MAP3K8: variants seen among roughly 807,000 people sequenced by gnomAD.
The protein encoded by MAP3K8 is Ewing sarcoma transformant.
Under a neutral mutation model 45.8 loss-of-function variants are expected in MAP3K8, and 22 were observed. The ratio of observed to expected loss-of-function variants is 0.48; its 90% confidence interval spans 0.34 to 0.69. The LOEUF is 0.69. Ranked by LOEUF, MAP3K8 falls within the 30% of genes least tolerant of loss-of-function variation. The pLI is 0.01. For synonymous variants in MAP3K8, 223 were observed against 214.3 expected (o/e 1.04, Z -0.36); for missense variants, 419 against 585.0 (o/e 0.72, Z 2.93).
chr10:30,458,270 G>GGGA (rs1554774876), intron 7 of MAP3K8, 34 bp downstream of exon 7: 1 of 1,367,170 alleles, frequency 7.3e-7, no homozygotes, highest in Non-Finnish European at 9.7e-7. Flanking sequence ...GGGGGCGGCG[G>GGGA]GGGGGGGCGT....
chr10:30,440,853 A>G (rs1347846170), intron 3 of MAP3K8, among the ~76,000 whole-genome samples: 1 of 152,224 alleles, frequency 6.6e-6, no homozygotes, highest in East Asian at 1.9e-4. Flanking sequence ...TTAAATGAAA[A>G]TATGCAGAAA....
chr10:30,458,283 A>C, intron 7 of MAP3K8, 47 bp downstream of exon 7: 2 of 1,196,748 alleles, frequency 1.7e-6, no homozygotes, highest in Non-Finnish European at 2.3e-6. Context: ...GGGGGCGTTG[A>C]GTTATGCATC....
chr10:30,450,536 A>G lies in MAP3K8; in HGVS notation c.766+17A>G, dbSNP rs2132813519. The G allele has an allele frequency of 6.2e-7, 1 of 1,612,518 alleles. No individual in the cohort carries two copies. Among genetic ancestry groups the G allele is most frequent in the East Asian group, 2.2e-5 (1 of 44,860 alleles). The stretch of plus-strand genomic sequence containing the variant: ...ATATTAAACGTAAGTATCTTTGGAC[A>G]TATACCTTTTTGGCTCAAAGAGACT... On this transcript the variant is annotated intron_variant, in intron 5 of 8. Transcript: ENST00000263056.
At chr10:30,451,458 G>A (rs1047055406) in intron 5 of MAP3K8, among the ~76,000 whole-genome samples, 180 bp from the exon 6 acceptor site, 1 of 152,174 alleles carries the variant, frequency 6.6e-6, no homozygotes, top group Non-Finnish European at 1.5e-5. Context: ...TGGATCCAAA[G>A]TGATTTTCAC....
chr10:30,434,747 C>G, intron 1 of MAP3K8: 1 of 985,500 alleles, frequency 1.0e-6, no homozygotes, highest in Non-Finnish European at 1.2e-6. Context: ...GCCCGAGACC[C>G]GGTGAGTGCA....
At chr10:30,459,207 G>A in intron 7 of MAP3K8, 48 bp from the exon 8 acceptor site, 1 of 1,609,208 alleles carries the variant, frequency 6.2e-7, no homozygotes, top group Admixed American at 1.7e-5. Context: ...TTGCTGTTGA[G>A]GGTGTATCAC....
At chr10:30,438,757 A>G (rs1835994397) in intron 2 of MAP3K8, 159 bp from the exon 3 acceptor site, 4 of 558,438 alleles carry the variant, frequency 7.2e-6, no homozygotes, top group Admixed American at 3.1e-5. Flanking sequence ...TCAACTCTGC[A>G]CTGTCAACTT....
chr10:30,450,182 TGCA>T, intron 4 of MAP3K8, 73 bp from the exon 5 acceptor site: 1 of 1,410,428 alleles, frequency 7.1e-7, no homozygotes, highest in Admixed American at 2.3e-5. Flanking sequence ...TTTTGTTTTT[TGCA>T]TTGACCTATA....
At position 30,451,649 on chromosome 10, in the gene MAP3K8, G is replaced by A. The variant is rs1191283360; in HGVS notation, c.778G>A (p.Val260Ile). 1 of 1,588,054 alleles carries A rather than the reference G, an allele frequency of 6.3e-7. No homozygotes were observed. The part of the protein sequence containing the change: ...IHHDIKPSNI[V>I]FMSTKAVLVD... The stretch of plus-strand genomic sequence containing the variant: ...TCCTCTCATTTTAGCTAGCAACATT[G>A]TTTTCATGTCCACAAAAGCTGTTTT... The change falls in exon 6 of 9, where the codon GTT becomes ATT. Residue 260 changes from valine to isoleucine, a missense_variant. Transcript: ENST00000263056.
chr10:30,442,436 T>A (rs1836146133), intron 3 of MAP3K8, among the ~76,000 whole-genome samples: 1 of 152,202 alleles, frequency 6.6e-6, no homozygotes, highest in Admixed American at 6.5e-5. Flanking sequence ...CCTGATGTAT[T>A]CAGGCAGCCA....
intron 6 of MAP3K8, 111 bp from the exon 7 acceptor site, chr10:30,457,973 A>G: frequency 1.1e-6 from 1 of 876,754 alleles, no homozygotes. Flanking sequence ...GAATGCCTGC[A>G]TTATTCTCCT....
In MAP3K8 at chr10:30,447,887, G is replaced by A. The variant is rs3751449; in HGVS notation, c.442G>A (p.Ala148Thr). Reference protein sequence around the residue: ...NIGSDFIPRGAFGKVYLAQDI... With the variant: ...NIGSDFIPRGTFGKVYLAQDI... ...TGGTTCTGATTTTATTCCTCGGGGC[G>A]CCTTTGGAAAGGTATACTTGGCACA... The change falls in exon 4 of 9, where the codon GCC becomes ACC. Residue 148 changes from alanine (A) to threonine (T), a missense_variant. Coordinates refer to ENST00000263056, the MANE Select transcript of MAP3K8 (RefSeq NM_005204.4). 6.6e-5 allele frequency: 107 copies of A among 1,613,716 alleles called. No homozygotes were observed. The East Asian group carries it at 2.1e-3, about 32-fold the overall frequency.
intron 3 of MAP3K8, among the ~76,000 whole-genome samples, chr10:30,445,262 T>C (rs1469014981): frequency 6.6e-6 from 1 of 152,014 alleles, no homozygotes. Flanking sequence ...CTGGGTGTGG[T>C]AGCACGTGCC....
At chr10:30,459,888 G>A (rs932759454) in intron 8 of MAP3K8, among the ~76,000 whole-genome samples, 2 of 151,860 alleles carry the variant, frequency 1.3e-5, no homozygotes, top group African/African-American at 4.8e-5. Context: ...TGTTGCCGAG[G>A]CTGGAGTGCA....
intron 2 of MAP3K8, among the ~76,000 whole-genome samples, chr10:30,438,491 G>A (rs1234344963): frequency 6.6e-6 from 1 of 152,224 alleles, no homozygotes; most frequent in Admixed American, 6.5e-5. Flanking sequence ...GCATAAAAAA[G>A]CCATAGCGAT....
At chr10:30,451,570 A>G (rs1836540059) in intron 5 of MAP3K8, 68 bp from the exon 6 acceptor site, 4 of 763,786 alleles carry the variant, frequency 5.2e-6, no homozygotes, top group Admixed American at 4.6e-5. Context: ...ATTGTTTTAG[A>G]TAATGTTTTC....
At chr10:30,439,542 G>T (rs1317915811) in intron 3 of MAP3K8, 2 of 681,922 alleles carry the variant, frequency 2.9e-6, no homozygotes, top group South Asian at 2.3e-5. Flanking sequence ...GGGTGCAGGG[G>T]CTCACGCCTG....
chr10:30,451,093 CAAAAA>C (rs56773403), intron 5 of MAP3K8, among the ~76,000 whole-genome samples: 2 of 52,782 alleles, frequency 3.8e-5, no homozygotes, highest in Non-Finnish European at 4.3e-5. Flanking sequence ...AACTCCGTCT[CAAAAA>C]AAAAAAAAAA....
chr10:30,458,333 C>A, intron 7 of MAP3K8, 97 bp downstream of exon 7: 1 of 767,338 alleles, frequency 1.3e-6, no homozygotes, highest in Non-Finnish European at 1.9e-6. Context: ...TCTATACCAC[C>A]CCCATCTGAA....
Sources: allele counts gnomAD v4.1 joint callset (sites outside exome capture counted in the v4.1 genomes callset), GRCh38; gene constraint gnomAD v4.1.1; transcripts MANE v1.5; gene names NCBI Gene and HGNC (gene_info 2026-07-23, HGNC 2026-07-21).